The following AKAP13 variants were observed in gnomAD, a reference collection of about 807,000 sequenced individuals.
The protein encoded by AKAP13 is A-kinase anchor protein 13.
A neutral mutation model predicts 264.5 loss-of-function variants in AKAP13; 80 were observed. The ratio of observed to expected loss-of-function variants is 0.30; its 90% confidence interval spans 0.25 to 0.36. AKAP13 has a LOEUF of 0.36. AKAP13 is among the 10% of genes least tolerant of loss of function. The probability of loss-of-function intolerance (pLI) is 1.00; values close to 1 mark genes in which losing one functional copy is unlikely to be tolerated. For missense variants in AKAP13, 3,712 were observed against 3,435.2 expected (o/e 1.08, Z -2.01); for synonymous variants, 1,380 against 1,250.2 (o/e 1.10, Z -2.19).
chr15:85,584,302 G>T (rs1286173642), intron 7 of AKAP13, among the ~76,000 whole-genome samples: 4 of 152,178 alleles, frequency 2.6e-5, no homozygotes, highest in African/African-American at 4.8e-5. Context: ...CGCCAGTCCT[G>T]CAGAGGCTGC....
chr15:85,563,326 C>CCTGTTTTTT (rs746701868), intron 5 of AKAP13, among the ~76,000 whole-genome samples: 3 of 83,342 alleles, frequency 3.6e-5, no homozygotes, highest in African/African-American at 4.3e-5. Context: ...GTAGAATGTG[C>CCTGTTTTTT]TTGTTTTTTT....
chr15:85,576,513 CATCTCTCTTGGGCATA>C (rs372166182), intron 6 of AKAP13, among the ~76,000 whole-genome samples: 7,892 of 152,228 alleles, frequency 0.052, 650 homozygotes, highest in African/African-American at 0.18. Flanking sequence ...CATATGTGTA[CATCTCTCTTGGGCATA>C]ACATCTGAAA....
chr15:85,628,493 A>G (rs1453340889), intron 8 of AKAP13, among the ~76,000 whole-genome samples: 1 of 152,212 alleles, frequency 6.6e-6, no homozygotes, highest in Admixed American at 6.5e-5. Context: ...ATGTTTACGA[A>G]TGAAGCCTAA....
At chr15:85,620,239 G>T in intron 8 of AKAP13, 6 of 1,450,890 alleles carry the variant, frequency 4.1e-6, no homozygotes, top group Non-Finnish European at 4.7e-6. Context: ...GAACCCGGTA[G>T]CCATGTCCCT....
chr15:85,491,516 A>ATATATTATATAT (rs1422451222), intron 2 of AKAP13, among the ~76,000 whole-genome samples: 16 of 82,604 alleles, frequency 1.9e-4, no homozygotes, highest in African/African-American at 4.7e-4. Context: ...ATTATATATT[A>ATATATTATATAT]TATATATTAT....
chr15:85,728,843 T>TTA (rs1567217529), intron 29 of AKAP13, among the ~76,000 whole-genome samples: 63 of 149,744 alleles, frequency 4.2e-4, no homozygotes, highest in African/African-American at 1.4e-3. Flanking sequence ...CTCATGTAAT[T>TTA]AAAAAAAAAA....
At chr15:85,455,133 T>C (rs1014118971) in intron 1 of AKAP13, among the ~76,000 whole-genome samples, 1 of 152,202 alleles carries the variant, frequency 6.6e-6, no homozygotes, top group African/African-American at 2.4e-5. Flanking sequence ...TTTAGCCTTT[T>C]AGGACTTCTG....
chr15:85,734,977 T>C lies in AKAP13; in HGVS notation c.7283-15T>C. The stretch of plus-strand genomic sequence containing the variant: ...AAAGATAAGATGTCAGCTTTGCATG[T>C]TTCCTTTATTCCAGTGGAGATCCTT... On this transcript the variant is annotated splice_polypyrimidine_tract_variant and intron_variant, in intron 30 of 36. Coordinates refer to ENST00000394518, the MANE Select transcript of AKAP13 (RefSeq NM_007200.5). The C allele has an allele frequency of 1.2e-6, 2 of 1,610,640 alleles. No individual in the cohort carries two copies. Among genetic ancestry groups the C allele is most frequent in the Non-Finnish European group, 1.7e-6 (2 of 1,178,702 alleles).
intron 1 of AKAP13, among the ~76,000 whole-genome samples, chr15:85,390,275 A>G (rs2070790146): frequency 6.6e-6 from 1 of 152,078 alleles, no homozygotes; most frequent in Non-Finnish European, 1.5e-5. Context: ...GATTCTAGGA[A>G]GGATATGAAG....
chr15:85,662,588 C>T, intron 12 of AKAP13: 4 of 973,694 alleles, frequency 4.1e-6, no homozygotes, highest in Middle Eastern at 2.9e-4. Context: ...CACAGCATTT[C>T]ATTGCCTTTG....
intron 8 of AKAP13, among the ~76,000 whole-genome samples, chr15:85,595,092 T>G (rs1567145960): frequency 1.3e-5 from 2 of 152,124 alleles, no homozygotes; most frequent in Non-Finnish European, 2.9e-5. Context: ...TTGGAGGGTT[T>G]TTTTTGTTTT....
rs370481907 is a variant in AKAP13, at chr15:85,742,698, C to T, written c.8059-794C>T. Among the ~76,000 whole-genome samples, 21 of 152,296 alleles carry T rather than the reference C, an allele frequency of 1.4e-4. No individual in the cohort carries two copies. In the South Asian group the frequency reaches 3.7e-3, roughly 27 times the overall value. On this transcript the variant is annotated intron_variant, in intron 35 of 36. Transcript: ENST00000394518. Reference sequence around the variant, plus strand: ...TTTCAGTGATATTCCTTGGTTATTTCGAAACATGGATGCTTGTGGCAGATG... The same window carrying T: ...TTTCAGTGATATTCCTTGGTTATTTTGAAACATGGATGCTTGTGGCAGATG...
At chr15:85,721,406 A>G (rs1477399355) in intron 23 of AKAP13, among the ~76,000 whole-genome samples, 2 of 152,198 alleles carry the variant, frequency 1.3e-5, no homozygotes. Context: ...AATAATTAGC[A>G]TGTATTTTAT....
chr15:85,603,774 G>A (rs1285144840), intron 8 of AKAP13, among the ~76,000 whole-genome samples: 1 of 152,148 alleles, frequency 6.6e-6, no homozygotes, highest in African/African-American at 2.4e-5. Flanking sequence ...CTTCTTTAAA[G>A]CCCTTCCCTG....
At chr15:85,458,579 C>G (rs915302070) in intron 1 of AKAP13, among the ~76,000 whole-genome samples, 15 of 151,638 alleles carry the variant, frequency 9.9e-5, no homozygotes, top group African/African-American at 3.6e-4. Flanking sequence ...TAAATAAAAT[C>G]CTTGTAGACA....
At chr15:85,640,787 A>G (rs1441886310) in intron 9 of AKAP13, among the ~76,000 whole-genome samples, 1 of 152,202 alleles carries the variant, frequency 6.6e-6, no homozygotes, top group Non-Finnish European at 1.5e-5. Flanking sequence ...TAAAGGTTAA[A>G]TGAGGTTGGT....
intron 5 of AKAP13, among the ~76,000 whole-genome samples, chr15:85,569,845 A>G (rs1267798676): frequency 6.6e-6 from 1 of 151,876 alleles, no homozygotes; most frequent in East Asian, 2.0e-4. Flanking sequence ...TGGGAGGCCA[A>G]GGCAGGTGGA....
intron 4 of AKAP13, among the ~76,000 whole-genome samples, chr15:85,541,990 G>A (rs1008689275): frequency 4.6e-5 from 7 of 152,170 alleles, no homozygotes; most frequent in South Asian, 4.1e-4. Flanking sequence ...TCAGAAGAGT[G>A]GTTGTGGGAG....
chr15:85,684,545 A>G, intron 15 of AKAP13, 196 bp from the exon 16 acceptor site: 4 of 561,596 alleles, frequency 7.1e-6, no homozygotes, highest in Non-Finnish European at 1.2e-5. Flanking sequence ...GACTGTCTCC[A>G]AAACAGACAA....
Sources: gnomAD v4.1 joint callset for allele counts (sites outside exome capture counted in the v4.1 genomes callset) on GRCh38, gnomAD v4.1.1 for gene constraint, MANE v1.5 for transcripts, NCBI Gene and HGNC (gene_info 2026-07-23, HGNC 2026-07-21) for gene names.